Variants in KLF12 observed in about 807,000 individuals in gnomAD.
KLF12 encodes Krueppel-like factor 12.
KLF12 carries 9 observed loss-of-function variants against 37.8 expected under a neutral mutation model. The observed-to-expected ratio is 0.24, with a 90% CI of 0.14 to 0.42. The LOEUF is 0.42. Ranked by LOEUF, KLF12 falls within the 10% of genes least tolerant of loss-of-function variation. The pLI is 1.00. For missense variants in KLF12, 411 were observed against 516.0 expected, an observed-to-expected ratio of 0.80 and a Z score of 1.97; for synonymous variants, 208 against 202.1, an observed-to-expected ratio of 1.03 and a Z score of -0.25.
At chr13:73,789,782 T>C (rs1327743013) in intron 5 of KLF12, among the ~76,000 whole-genome samples, 2 of 151,852 alleles carry the variant, frequency 1.3e-5, no homozygotes, top group South Asian at 2.1e-4. Context: ...GTTCACGCCA[T>C]TCTCCTGCCT....
the KLF12 span, among the ~76,000 whole-genome samples, chr13:74,177,166 A>G: frequency 3.3e-5 from 5 of 152,300 alleles, no homozygotes; most frequent in South Asian, 1.0e-3. Context: ...TACGATAGGG[A>G]AGGAAGGTAC....
In KLF12 at chr13:73,803,774, A is replaced by T. The variant is rs7324904; in HGVS notation, c.806+9378T>A. On this transcript the variant is annotated intron_variant, in intron 5 of 7. Coordinates refer to ENST00000377669, the MANE Select transcript of KLF12 (RefSeq NM_007249.5). ...GAGCAGCACAACATACTGCAGAGTC[A>T]CACACACACACACACACACACACAC... 8.5e-3 allele frequency among the ~76,000 whole-genome samples: 128 copies of T among 14,986 alleles called. 2 individuals carry two copies. Among genetic ancestry groups the T allele is most frequent in the African/African-American group, 0.02 (70 of 3,524 alleles). 9.8% of individuals were successfully genotyped at this position (14,986 alleles called of 152,430 possible).
the KLF12 span, among the ~76,000 whole-genome samples, chr13:74,234,747 GA>G: frequency 2.3e-3 from 334 of 143,122 alleles, 2 homozygotes; most frequent in Middle Eastern, 3.5e-3. Flanking sequence ...CTCTTATTCG[GA>G]AAAAAAAAAA....
At chr13:74,013,461 A>G (rs937314986) in intron 1 of KLF12, among the ~76,000 whole-genome samples, 1 of 152,226 alleles carries the variant, frequency 6.6e-6, no homozygotes, top group Non-Finnish European at 1.5e-5. Flanking sequence ...TTCAAGTGAC[A>G]TGCATAATCT....
chr13:74,193,315 C>T, the KLF12 span, among the ~76,000 whole-genome samples: 1 of 152,086 alleles, frequency 6.6e-6, no homozygotes, highest in African/African-American at 2.4e-5. Flanking sequence ...GGAAGAAAAC[C>T]ACTGGGCTAA....
At chr13:74,190,982 G>C in the KLF12 span, among the ~76,000 whole-genome samples, 3 of 152,220 alleles carry the variant, frequency 2.0e-5, no homozygotes, top group Middle Eastern at 6.8e-3. Context: ...CAGTTACTCT[G>C]CCAGTGACCT....
chr13:74,235,888 C>T, the KLF12 span, among the ~76,000 whole-genome samples: 3 of 151,478 alleles, frequency 2.0e-5, no homozygotes, highest in Non-Finnish European at 4.4e-5. Flanking sequence ...CTTTCATTCT[C>T]AGGTACCGAA....
chr13:74,236,291 T>C, the KLF12 span, among the ~76,000 whole-genome samples: 1 of 91,842 alleles, frequency 1.1e-5, no homozygotes. Flanking sequence ...TTTTTATGGC[T>C]GCATAGTATT....
intron 1 of KLF12, among the ~76,000 whole-genome samples, chr13:74,098,046 T>C (rs769037344): frequency 2.6e-5 from 4 of 152,172 alleles, no homozygotes; most frequent in Non-Finnish European, 5.9e-5. Flanking sequence ...ATCAAATAGA[T>C]ATTTAGAAAC....
At chr13:74,191,487 A>G in the KLF12 span, among the ~76,000 whole-genome samples, 1 of 152,154 alleles carries the variant, frequency 6.6e-6, no homozygotes, top group African/African-American at 2.4e-5. Flanking sequence ...GAAGGAGCTC[A>G]TTTTCCCTCT....
At chr13:74,298,458 G>T in the KLF12 span, among the ~76,000 whole-genome samples, 1 of 152,190 alleles carries the variant, frequency 6.6e-6, no homozygotes, top group East Asian at 1.9e-4. Flanking sequence ...ACAGCCACAT[G>T]TGGCTAGCGG....
At chr13:74,174,392 G>A in the KLF12 span, among the ~76,000 whole-genome samples, 1 of 149,690 alleles carries the variant, frequency 6.7e-6, no homozygotes, top group Admixed American at 6.6e-5. Context: ...GAGTGCAGTG[G>A]CGCGAACTCG....
At chr13:74,009,817 C>G (rs1566502863) in intron 1 of KLF12, among the ~76,000 whole-genome samples, 1 of 152,170 alleles carries the variant, frequency 6.6e-6, no homozygotes, top group Non-Finnish European at 1.5e-5. Context: ...CAAGTTTTAA[C>G]CAGGAGCCAC....
At chr13:73,924,926 G>GAGCCAAGGCCTAATCCAGAGCAAGTCTCC (rs1889302825) in intron 3 of KLF12, among the ~76,000 whole-genome samples, 4 of 152,198 alleles carry the variant, frequency 2.6e-5, no homozygotes, top group African/African-American at 7.2e-5. Context: ...ACATTCCCTT[G>GAGCCAAGGCCTAATCCAGAGCAAGTCTCC]AGCCAAGGCC....
chr13:74,101,495 G>T (rs1055913333), intron 1 of KLF12, among the ~76,000 whole-genome samples: 1 of 151,988 alleles, frequency 6.6e-6, no homozygotes, highest in Non-Finnish European at 1.5e-5. Context: ...TGAGCACTCA[G>T]AAAGCTAAGA....
chr13:73,882,508 A>T (rs1417900897), intron 3 of KLF12, among the ~76,000 whole-genome samples: 1 of 152,228 alleles, frequency 6.6e-6, no homozygotes, highest in African/African-American at 2.4e-5. Flanking sequence ...ATAAACATGT[A>T]AAGAGTTTTA....
At chr13:74,228,024 T>G in the KLF12 span, among the ~76,000 whole-genome samples, 1 of 152,282 alleles carries the variant, frequency 6.6e-6, no homozygotes, top group Non-Finnish European at 1.5e-5. Context: ...TTTTCTTGTG[T>G]TTGGGAGAAA....
chr13:73,890,743 C>T (rs1264932821), intron 3 of KLF12, among the ~76,000 whole-genome samples: 1 of 151,860 alleles, frequency 6.6e-6, no homozygotes, highest in Non-Finnish European at 1.5e-5. Flanking sequence ...AGATTCCAGT[C>T]AATCTGAGTC....
chr13:73,923,810 C>A (rs1205922264), intron 3 of KLF12, among the ~76,000 whole-genome samples: 1 of 152,226 alleles, frequency 6.6e-6, no homozygotes. Flanking sequence ...GGATATTTTA[C>A]AGTCATAGTC....
Sources: gnomAD v4.1 joint callset for allele counts (sites outside exome capture counted in the v4.1 genomes callset) on GRCh38, gnomAD v4.1.1 for gene constraint, MANE v1.5 for transcripts, NCBI Gene and HGNC (gene_info 2026-07-23, HGNC 2026-07-21) for gene names.